Variants in DDX43 observed in about 807,000 individuals in gnomAD.
DDX43 encodes the protein DEAD-box helicase 43.
Under a neutral mutation model 84.9 loss-of-function variants are expected in DDX43, and 50 were observed. That is an observed-to-expected ratio of 0.59 (90% CI 0.47 to 0.75). The LOEUF is 0.75. DDX43 is among the 30% of genes least tolerant of loss of function. The probability of loss-of-function intolerance (pLI) is 0.00; values close to 1 mark genes in which losing one functional copy is unlikely to be tolerated. For synonymous variants in DDX43, 291 were observed against 266.3 expected (o/e 1.09, Z -0.90); for missense variants, 689 against 798.6 (o/e 0.86, Z 1.65).
At chr6:73,417,109 T>G (rs1173675699) in intron 16 of DDX43, 78 bp from the exon 17 acceptor site, 1 of 152,176 alleles carries the variant, frequency 6.6e-6, no homozygotes, top group African/African-American at 2.4e-5. Flanking sequence ...ATGGTAAATT[T>G]GGGTATGTTT....
chr6:73,395,594 A>G (rs1769452104), intron 1 of DDX43, among the ~76,000 whole-genome samples: 1 of 151,588 alleles, frequency 6.6e-6, no homozygotes, highest in South Asian at 2.1e-4. Flanking sequence ...AGCCTAGGTG[A>G]CAGAGCAAGA....
intron 9 of DDX43, 63 bp from the exon 10 acceptor site, chr6:73,409,185 A>G: frequency 8.4e-7 from 1 of 1,186,970 alleles, no homozygotes; most frequent in Non-Finnish European, 1.3e-6. Flanking sequence ...TAATAAAGAA[A>G]GCATATGTAT....
chr6:73,414,085 T>C lies in DDX43; in HGVS notation c.1606+6T>C. The C allele has an allele frequency of 1.3e-6, 2 of 1,510,696 alleles. No individual in the cohort carries two copies. The highest frequency in any genetic ancestry group is 1.8e-6 in the Non-Finnish European group (2 of 1,086,510). 93.6% of individuals were successfully genotyped at this position (1,510,696 alleles called of 1,614,324 possible). A position where few individuals can be genotyped will look rare whatever the true frequency, so the allele number is the denominator to read the frequency against. ...ATTAGAGAACTTTAAAACAGGTATG[T>C]TTATGTAATTAGTATTTCATACAGT... On this transcript the variant is annotated splice_donor_region_variant and intron_variant, in intron 13 of 16. Coordinates refer to ENST00000370336, the MANE Select transcript of DDX43 (RefSeq NM_018665.3).
chr6:73,397,447 T>C (rs1469618248), intron 1 of DDX43, among the ~76,000 whole-genome samples: 1 of 152,168 alleles, frequency 6.6e-6, no homozygotes, highest in Non-Finnish European at 1.5e-5. Flanking sequence ...TGGACCCAAT[T>C]AAGTTTTGTG....
At chr6:73,405,103 T>C (rs915587092) in intron 5 of DDX43, among the ~76,000 whole-genome samples, 8 of 151,654 alleles carry the variant, frequency 5.3e-5, no homozygotes, top group African/African-American at 1.9e-4. Flanking sequence ...ATTTCTCCAA[T>C]AGTTGAATTG....
intron 11 of DDX43, 139 bp downstream of exon 11, chr6:73,412,431 C>T (rs10943093): frequency 0.17 from 104,988 of 633,810 alleles, 9,212 homozygotes; most frequent in Non-Finnish European, 0.18. Flanking sequence ...AGCTGTAATA[C>T]GATTATCTCA....
intron 3 of DDX43, 115 bp downstream of exon 3, chr6:73,400,478 A>G (rs1769546382): frequency 1.1e-6 from 1 of 950,668 alleles, no homozygotes; most frequent in Non-Finnish European, 1.5e-6. Flanking sequence ...CCATAAATGC[A>G]GTCTTAATGA....
chr6:73,406,325 G>A (rs909685806), intron 6 of DDX43, 39 bp from the exon 7 acceptor site: 1 of 1,479,632 alleles, frequency 6.8e-7, no homozygotes, highest in Non-Finnish European at 9.4e-7. Flanking sequence ...CCCAGCAAAA[G>A]ATGTACTTTT....
chr6:73,408,037 C>T lies in DDX43; in HGVS notation c.1115C>T (p.Thr372Ile), dbSNP rs749336993. 6.2e-7 allele frequency: 1 copy of T among 1,612,266 alleles called. No individual in the cohort carries two copies. Among genetic ancestry groups the T allele is most frequent in the South Asian group, 1.1e-5 (1 of 90,936 alleles). ...AAAGGTGTAGATATCATAATTGCAA[C>T]TCCCGGAAGATTGAATGATCTGCAA... is the stretch of plus-strand genomic sequence containing the variant. ...LKKGVDIIIATPGRLNDLQMS... is the reference protein window; with the variant it reads ...LKKGVDIIIAIPGRLNDLQMS... Residue 372 changes from threonine to isoleucine, a missense_variant, in exon 9 of 17, where the codon ACT becomes ATT. Physicochemically the swap from Thr to Ile is moderately conservative, Grantham distance 89. Coordinates refer to ENST00000370336, the MANE Select transcript of DDX43 (RefSeq NM_018665.3).
Position 73,414,614 on chromosome 6 carries a change from A to T in DDX43, c.1673A>T (p.His558Leu). The change falls in exon 14 of 17, where the codon CAT becomes CTT. Residue 558 changes from histidine (H) to leucine (L), a missense_variant. His to Leu is a moderately conservative substitution (Grantham distance 99, BLOSUM62 -3). Coordinates refer to ENST00000370336, the MANE Select transcript of DDX43 (RefSeq NM_018665.3). ...GGACTTGATGTCCATGACGTTACAC[A>T]TGTCTATAATTTTGACTTTCCACGG... ...SRGLDVHDVT[H>L]VYNFDFPRNI... The T allele has an allele frequency of 2.5e-6, 4 of 1,613,670 alleles. No homozygotes were observed. Among genetic ancestry groups the T allele is most frequent in the Non-Finnish European group, 3.4e-6 (4 of 1,179,604 alleles).
At chr6:73,398,400 C>T (rs375209345) in intron 2 of DDX43, among the ~76,000 whole-genome samples, 17 of 151,996 alleles carry the variant, frequency 1.1e-4, no homozygotes, top group Admixed American at 5.9e-4. Context: ...TACAGGCCCC[C>T]GCCACCATAT....
chr6:73,412,677 G>GCGCGCA (rs1554236186), intron 11 of DDX43, among the ~76,000 whole-genome samples: 1 of 114,686 alleles, frequency 8.7e-6, no homozygotes, highest in Admixed American at 8.5e-5. Flanking sequence ...GTGCGCGCGC[G>GCGCGCA]CGTGTGTGTG....
At position 73,412,738 on chromosome 6, in the gene DDX43, TG is replaced by T; in HGVS notation, c.1368+447del. Among the ~76,000 whole-genome samples, 9 of 149,966 alleles carry T rather than the reference TG, an allele frequency of 6.0e-5. No homozygotes were observed. In the Admixed American group the frequency reaches 6.0e-4, roughly 10 times the overall value. On this transcript the variant is annotated intron_variant, in intron 11 of 16. Coordinates refer to ENST00000370336, the MANE Select transcript of DDX43 (RefSeq NM_018665.3). ...GCAAGTGATATATAGCGTGTGTGTGTGTGTGTGTGTGTGTCAGAGTCTCACT... is the reference window on the plus strand; with the variant it reads ...GCAAGTGATATATAGCGTGTGTGTGTTGTGTGTGTGTGTCAGAGTCTCACT...
chr6:73,410,420 T>A (rs914731995), intron 10 of DDX43, among the ~76,000 whole-genome samples: 5 of 152,268 alleles, frequency 3.3e-5, no homozygotes, highest in Admixed American at 1.3e-4. Flanking sequence ...TGTCTAGGCC[T>A]CCCAAAGTGC....
At chr6:73,404,393 A>G (rs1395424604) in intron 4 of DDX43, among the ~76,000 whole-genome samples, 1 of 152,032 alleles carries the variant, frequency 6.6e-6, no homozygotes, top group African/African-American at 2.4e-5. Flanking sequence ...GCGCCTGGCC[A>G]CCAGGCTAAT....
At chr6:73,411,646 T>G (rs560552618) in intron 10 of DDX43, among the ~76,000 whole-genome samples, 1 of 151,470 alleles carries the variant, frequency 6.6e-6, no homozygotes, top group African/African-American at 2.4e-5. Context: ...TTTCATAGAT[T>G]AGTATTTAGT....
rs35252896 is a variant in DDX43 at position 73,413,590 on chromosome 6, A to AGCT, written c.1369-66_1369-64dup. 0.017 allele frequency: 24,238 copies of AGCT among 1,459,086 alleles called. 1,766 individuals are homozygous for AGCT. In the Admixed American group the frequency reaches 0.18, roughly 11 times the overall value. 90.4% of individuals were successfully genotyped at this position (1,459,086 alleles called of 1,614,324 possible). On this transcript the variant is annotated intron_variant, in intron 11 of 16. Coordinates refer to ENST00000370336, the MANE Select transcript of DDX43 (RefSeq NM_018665.3). ...CCAATGAGAGAGAAGATGCATTTTG[A>AGCT]GCTGATGTATGCGGTCTCACCCTCA...
At chr6:73,397,592 G>A (rs1769497080) in intron 1 of DDX43, 97 bp from the exon 2 acceptor site, 1 of 946,244 alleles carries the variant, frequency 1.1e-6, no homozygotes, top group Non-Finnish European at 1.6e-6. Flanking sequence ...GAGCATTTGG[G>A]GGGAAGAACT....
chr6:73,414,129 C>T (rs1373344278), intron 13 of DDX43, 50 bp downstream of exon 13: 3 of 1,122,714 alleles, frequency 2.7e-6, no homozygotes, highest in Admixed American at 1.9e-5. Flanking sequence ...AGTGCAATAC[C>T]TGGGCTTGGC....
Sources: gnomAD v4.1 joint callset for allele counts (sites outside exome capture counted in the v4.1 genomes callset) on GRCh38, gnomAD v4.1.1 for gene constraint, MANE v1.5 for transcripts, NCBI Gene and HGNC (gene_info 2026-07-23, HGNC 2026-07-21) for gene names.